Variants in RBM11 observed in about 807,000 individuals in gnomAD.
RBM11 encodes splicing regulator RBM11.
Under a neutral mutation model 21.4 loss-of-function variants are expected in RBM11, and 18 were observed. That is an observed-to-expected ratio of 0.84 (90% CI 0.58 to 1.25). RBM11 has a LOEUF of 1.25. RBM11 is among the 50% of genes most tolerant of loss of function. The pLI, the probability that RBM11 is intolerant of heterozygous loss-of-function variation, is 0.00. For synonymous variants in RBM11, 120 were observed against 116.3 expected (o/e 1.03, Z -0.20); for missense variants, 294 against 331.9 (o/e 0.89, Z 0.89).
Position 14,227,311 on chromosome 21 carries a change from A to G in RBM11, c.*18A>G, listed in dbSNP as rs779495798. 2 of 1,572,246 alleles carry G rather than the reference A, an allele frequency of 1.3e-6. No individual in the cohort carries two copies. The highest frequency in any genetic ancestry group is 8.6e-7 in the Non-Finnish European group (1 of 1,161,656). The stretch of plus-strand genomic sequence containing the variant: ...GATACTAGTATTACCTACAAATGAA[A>G]CTTACCTACACTGATCTTAGTTCTC... On this transcript the variant is annotated 3_prime_UTR_variant, in exon 5 of 5. Coordinates refer to ENST00000400577, the MANE Select transcript of RBM11 (RefSeq NM_144770.5).
In RBM11 at chr21:14,228,348, AAAAT is replaced by A. The variant is rs1979280600; in HGVS notation, c.*1059_*1062del. 6.6e-6 allele frequency: 1 copy of A among 152,200 alleles called. No individual in the cohort carries two copies. Among genetic ancestry groups the A allele is most frequent in the Non-Finnish European group, 1.5e-5 (1 of 68,038 alleles). 9.4% of individuals were successfully genotyped at this position (152,200 alleles called of 1,614,324 possible). ...ATTTTATAGATATTTATTATTTAAA[AAAAT>A]AAAGATATGTTTTTAATGAAGAGAG... On this transcript the variant is annotated 3_prime_UTR_variant, in exon 5 of 5. Coordinates refer to ENST00000400577, the MANE Select transcript of RBM11 (RefSeq NM_144770.5).
intron 1 of RBM11, among the ~76,000 whole-genome samples, chr21:14,218,344 A>C (rs1978383060): frequency 6.6e-6 from 1 of 152,076 alleles, no homozygotes; most frequent in Admixed American, 6.6e-5. Flanking sequence ...TTTTCTTTCA[A>C]ATTTCTGATT....
intron 4 of RBM11, among the ~76,000 whole-genome samples, chr21:14,224,812 A>G (rs1978960693): frequency 6.6e-6 from 1 of 152,186 alleles, no homozygotes; most frequent in Non-Finnish European, 1.5e-5. Context: ...TTCTAATGTA[A>G]ATGACTATTT....
intron 4 of RBM11, among the ~76,000 whole-genome samples, chr21:14,225,227 G>C (rs1011053961): frequency 2.0e-5 from 3 of 152,266 alleles, no homozygotes; most frequent in Middle Eastern, 6.8e-3. Context: ...GATTTTTAAA[G>C]TAAATTTCTC....
At chr21:14,224,082 A>G (rs1379313974) in intron 3 of RBM11, among the ~76,000 whole-genome samples, 2 of 152,168 alleles carry the variant, frequency 1.3e-5, no homozygotes, top group East Asian at 3.8e-4. Flanking sequence ...ATTGTGTTAT[A>G]ACAACAGAAA....
rs1979271801 is a variant in RBM11, at chr21:14,228,229, C to T, written c.*936C>T. The T allele has an allele frequency of 6.6e-6, 1 of 151,978 alleles. No homozygotes were observed. Among genetic ancestry groups the T allele is most frequent in the African/African-American group, 2.4e-5 (1 of 41,372 alleles). The allele number at this position is 151,978 out of a possible 1,614,324, so 9.4% of individuals were successfully genotyped here. Reference sequence around the variant, plus strand: ...TGATGAATATATATATTTACTAAAGCTAATTGAAAGAGTCATGCAACTCAG... The same window carrying T: ...TGATGAATATATATATTTACTAAAGTTAATTGAAAGAGTCATGCAACTCAG... On this transcript the variant is annotated 3_prime_UTR_variant, in exon 5 of 5. Transcript: ENST00000400577.
chr21:14,220,599 T>C (rs1362901257), intron 2 of RBM11, among the ~76,000 whole-genome samples: 1 of 152,210 alleles, frequency 6.6e-6, no homozygotes, highest in Non-Finnish European at 1.5e-5. Context: ...TGGTACTTTC[T>C]GGTTAACTTA....
intron 3 of RBM11, among the ~76,000 whole-genome samples, chr21:14,224,060 T>A (rs73152951): frequency 0.13 from 20,056 of 152,168 alleles, 1,420 homozygotes; most frequent in Middle Eastern, 0.22. Context: ...CAGTTTGTTA[T>A]AACAAACAGG....
chr21:14,226,823 T>C (rs2822444), intron 4 of RBM11, 57 bp from the exon 5 acceptor site: 685,906 of 1,544,774 alleles, frequency 0.44, 153,093 homozygotes, highest in South Asian at 0.5. Context: ...AAACTGTTAA[T>C]TTTTTTTCCT....
intron 4 of RBM11, among the ~76,000 whole-genome samples, chr21:14,225,817 C>G (rs2123411122): frequency 6.6e-6 from 1 of 152,102 alleles, no homozygotes; most frequent in South Asian, 2.1e-4. Flanking sequence ...AATCTTTAAT[C>G]TTTGAATAGT....
At chr21:14,221,305 C>G (rs564766789) in intron 3 of RBM11, 136 bp downstream of exon 3, 1 of 1,064,688 alleles carries the variant, frequency 9.4e-7, no homozygotes, top group African/African-American at 1.7e-5. Context: ...CTTTTTTTTC[C>G]GAGCCCATGA....
At position 14,227,408 on chromosome 21, in the gene RBM11, G is replaced by C; in HGVS notation, c.*115G>C. On this transcript the variant is annotated 3_prime_UTR_variant, in exon 5 of 5. Transcript: ENST00000400577. ...GCTATCTTGTCTTTTGAAATATGTA[G>C]TAATAAGACTTATCTCTGGTTTGCT... is the stretch of plus-strand genomic sequence containing the variant. 1 of 1,146,386 alleles carries C rather than the reference G, an allele frequency of 8.7e-7. No homozygotes were observed. Among genetic ancestry groups the C allele is most frequent in the Non-Finnish European group, 1.2e-6 (1 of 833,330 alleles). 71.0% of individuals were successfully genotyped at this position (1,146,386 alleles called of 1,614,324 possible).
rs141942958 is a variant in RBM11, at chr21:14,219,647, G to A, written c.181G>A (p.Glu61Lys). Residue 61 changes from glutamate (E) to lysine (K), a missense_variant, in exon 2 of 5, where the codon GAA becomes AAA. Transcript: ENST00000400577. ...SFGFVCFKHPESVSYAIALLN... is the reference protein window; with the variant it reads ...SFGFVCFKHPKSVSYAIALLN... ...TGGATTTGTCTGCTTTAAACACCCA[G>A]AATCGGTGTCTTATGCCATAGCTTT... 6.9e-4 allele frequency: 1,112 copies of A among 1,608,470 alleles called. 7 individuals are homozygous for A. The African/African-American group carries it at 0.013, about 19-fold the overall frequency.
intron 3 of RBM11, 78 bp downstream of exon 3, chr21:14,221,247 C>T: frequency 5.6e-6 from 8 of 1,440,968 alleles, no homozygotes; most frequent in Non-Finnish European, 7.3e-6. Context: ...ATATTTTGGG[C>T]TATTGTAAAA....
intron 1 of RBM11, among the ~76,000 whole-genome samples, chr21:14,217,931 C>A (rs937617495): frequency 6.6e-6 from 1 of 151,902 alleles, no homozygotes; most frequent in Non-Finnish European, 1.5e-5. Context: ...ATATTATCTT[C>A]TCATTCTTTA....
In RBM11 at chr21:14,224,357, A is replaced by G. The variant is rs932031220; in HGVS notation, c.333-81A>G. The G allele has an allele frequency of 1.8e-5, 26 of 1,485,458 alleles. No individual in the cohort carries two copies. In the East Asian group the frequency reaches 6.2e-4, roughly 36 times the overall value. The allele number at this position is 1,485,458 out of a possible 1,614,324, so 92.0% of individuals were successfully genotyped here. A position where few individuals can be genotyped will look rare whatever the true frequency, so the allele number is the denominator to read the frequency against. The stretch of plus-strand genomic sequence containing the variant: ...ACAACTTTGCATCCCCTGAGGAAAG[A>G]TAGTGGTTTTTCTTAAGAGAAAATG... On this transcript the variant is annotated intron_variant, in intron 3 of 4. Coordinates refer to ENST00000400577, the MANE Select transcript of RBM11 (RefSeq NM_144770.5).
rs776550397 is a variant in RBM11 at position 14,227,146 on chromosome 21, C to G, written c.699C>G (p.His233Gln). Residue 233 changes from histidine (H) to glutamine (Q), a missense_variant, in exon 5 of 5, where the codon CAC (histidine) becomes CAG (glutamine). Around this residue, in one of 2 missense-constraint regions of RBM11, gnomAD observed 113 missense variants for 167.3 expected, o/e 0.68. Transcript: ENST00000400577. ...EAGPSSYKWT[H>Q]QQPSDSDLYQ... is the part of the protein sequence containing the mutation. ...GACCCAGCTCATATAAATGGACTCA[C>G]CAACAACCAAGTGACTCTGACCTTT... The G allele has an allele frequency of 4.3e-6, 7 of 1,613,814 alleles. No individual in the cohort carries two copies. Among genetic ancestry groups the G allele is most frequent in the Non-Finnish European group, 5.9e-6 (7 of 1,179,900 alleles).
intron 2 of RBM11, 23 bp from the exon 3 acceptor site, chr21:14,221,074 C>G: frequency 1.3e-6 from 2 of 1,544,816 alleles, no homozygotes; most frequent in East Asian, 2.4e-5. Context: ...ATGAAGTAAC[C>G]TGTTACTCTG....
intron 4 of RBM11, 125 bp downstream of exon 4, chr21:14,224,662 GTCCTC>G: frequency 7.5e-7 from 1 of 1,336,836 alleles, no homozygotes; most frequent in Non-Finnish European, 9.9e-7. Context: ...TCCCAGCACT[GTCCTC>G]CAGTGGTGTC....
Sources: gnomAD v4.1 joint callset for allele counts (sites outside exome capture counted in the v4.1 genomes callset) on GRCh38, gnomAD v4.1.1 for gene constraint, gnomAD v4.1.1 regional missense constraint, MANE v1.5 for transcripts, NCBI Gene and HGNC (gene_info 2026-07-23, HGNC 2026-07-21) for gene names.